STK39: variants seen among roughly 807,000 people sequenced by gnomAD.
The protein encoded by STK39 is serine/threonine kinase 39.
In STK39, 20 loss-of-function variants were observed where a neutral mutation model predicts 77.8. The observed-to-expected ratio is 0.26, with a 90% CI of 0.18 to 0.37. The LOEUF is 0.37. Among genes scored for constraint, STK39 ranks in the 10% least tolerant of loss-of-function variants. The pLI is 1.00. For missense variants in STK39, 479 were observed against 656.5 expected, an observed-to-expected ratio of 0.73 and a Z score of 2.95; for synonymous variants, 246 against 234.1, an observed-to-expected ratio of 1.05 and a Z score of -0.47.
rs532888942 is a variant in STK39 at position 168,202,422 on chromosome 2, T to A, written c.209-20332A>T. On this transcript the variant is annotated intron_variant, in intron 1 of 17. Transcript: ENST00000355999. Reference sequence around the variant, plus strand: ...TCACTTTATACTCCTGACAACCCTATGAAGTATTTTAACCCCATTTTATGT... The same window carrying A: ...TCACTTTATACTCCTGACAACCCTAAGAAGTATTTTAACCCCATTTTATGT... Among the ~76,000 whole-genome samples, 12 of 152,326 alleles carry A rather than the reference T, an allele frequency of 7.9e-5. No individual in the cohort carries two copies. The South Asian group carries it at 1.0e-3, about 13-fold the overall frequency.
chr2:167,994,550 T>C (rs1358176060), intron 16 of STK39, among the ~76,000 whole-genome samples: 1 of 152,134 alleles, frequency 6.6e-6, no homozygotes, highest in Non-Finnish European at 1.5e-5. Flanking sequence ...TAAAAGATTT[T>C]CATCACCTAA....
chr2:168,207,448 A>G (rs73031034), intron 1 of STK39, among the ~76,000 whole-genome samples: 89 of 152,346 alleles, frequency 5.8e-4, no homozygotes, highest in African/African-American at 2.1e-3. Flanking sequence ...CTTTGAGTAC[A>G]TATTATTTGC....
In STK39 at chr2:168,129,855, A is replaced by G. The variant is rs1475157829; in HGVS notation, c.975-97T>C. On this transcript the variant is annotated intron_variant, in intron 8 of 17. Coordinates refer to ENST00000355999, the MANE Select transcript of STK39 (RefSeq NM_013233.3). ...TTAACCTTAAGAGTATTTCTGGAAGACCAATTTTAGTAATAGCAAAACTGG... is the reference window on the plus strand; with the variant it reads ...TTAACCTTAAGAGTATTTCTGGAAGGCCAATTTTAGTAATAGCAAAACTGG... The G allele has an allele frequency of 2.1e-6, 3 of 1,424,744 alleles. No homozygotes were observed. In the Admixed American group the frequency reaches 5.3e-5, roughly 25 times the overall value. The allele number at this position is 1,424,744 out of a possible 1,614,324, so 88.3% of individuals were successfully genotyped here.
intron 14 of STK39, among the ~76,000 whole-genome samples, chr2:168,062,452 T>C (rs1465865564): frequency 2.6e-5 from 4 of 152,230 alleles, no homozygotes; most frequent in African/African-American, 9.6e-5. Flanking sequence ...CTTGTGATAA[T>C]TTCACTTCTT....
chr2:168,149,522 A>T (rs1246467170), intron 5 of STK39, among the ~76,000 whole-genome samples: 1 of 152,204 alleles, frequency 6.6e-6, no homozygotes, highest in African/African-American at 2.4e-5. Context: ...CTGCTGCTTA[A>T]TCTCCTTTCA....
chr2:168,181,860 T>C, intron 2 of STK39, 118 bp downstream of exon 2: 1 of 793,134 alleles, frequency 1.3e-6, no homozygotes, highest in South Asian at 1.6e-5. Flanking sequence ...TAGGGGCTGC[T>C]TTCCAAGAAA....
chr2:168,192,294 G>T (rs1160341297), intron 1 of STK39, among the ~76,000 whole-genome samples: 1 of 152,104 alleles, frequency 6.6e-6, no homozygotes, highest in Non-Finnish European at 1.5e-5. Flanking sequence ...CAGATTCTAG[G>T]AAGGTCTATC....
chr2:168,230,674 C>T (rs564990651), intron 1 of STK39, among the ~76,000 whole-genome samples: 4 of 152,090 alleles, frequency 2.6e-5, no homozygotes, highest in African/African-American at 4.8e-5. Context: ...ATGAGAGAAC[C>T]GAGCCTTTCA....
At chr2:168,065,532 T>C in intron 12 of STK39, 151 bp from the exon 13 acceptor site, 1 of 774,806 alleles carries the variant, frequency 1.3e-6, no homozygotes, top group Non-Finnish European at 2.2e-6. Context: ...CTACCTGTGT[T>C]GGAATCACCT....
chr2:168,205,275 G>A (rs953039964), intron 1 of STK39, among the ~76,000 whole-genome samples: 3 of 152,124 alleles, frequency 2.0e-5, no homozygotes, highest in Non-Finnish European at 2.9e-5. Flanking sequence ...AAAACATTAT[G>A]TACAACTTAA....
At chr2:167,983,786 T>C (rs1333180815) in intron 16 of STK39, among the ~76,000 whole-genome samples, 1 of 152,140 alleles carries the variant, frequency 6.6e-6, no homozygotes, top group African/African-American at 2.4e-5. Flanking sequence ...TAAACTGAAA[T>C]ATGGATTTAA....
chr2:168,174,125 A>C lies in STK39; in HGVS notation c.322-6718T>G, dbSNP rs147906863. On this transcript the variant is annotated intron_variant, in intron 2 of 17. Coordinates refer to ENST00000355999, the MANE Select transcript of STK39 (RefSeq NM_013233.3). ...GAAGAAAGAGAAACATTTTTAAGAAATAGAAACATTTTTAAGAAATCAGGA... is the reference window on the plus strand; with the variant it reads ...GAAGAAAGAGAAACATTTTTAAGAACTAGAAACATTTTTAAGAAATCAGGA... 8.9e-3 allele frequency among the ~76,000 whole-genome samples: 1,360 copies of C among 152,038 alleles called. 21 individuals carry two copies. Among genetic ancestry groups the C allele is most frequent in the African/African-American group, 0.031 (1,303 of 41,376 alleles).
At chr2:168,221,909 G>T (rs997106087) in intron 1 of STK39, among the ~76,000 whole-genome samples, 4 of 152,062 alleles carry the variant, frequency 2.6e-5, no homozygotes, top group African/African-American at 9.7e-5. Context: ...AGTTGCTCAG[G>T]TCTTTCTAAA....
At chr2:168,129,881 G>T in intron 8 of STK39, 123 bp from the exon 9 acceptor site, 1 of 1,029,142 alleles carries the variant, frequency 9.7e-7, no homozygotes. Context: ...GCAAAACTGG[G>T]AACCAAATTA....
chr2:167,997,350 A>C (rs773912048), intron 16 of STK39, among the ~76,000 whole-genome samples: 9 of 152,056 alleles, frequency 5.9e-5, no homozygotes, highest in African/African-American at 1.7e-4. Flanking sequence ...TTTGTAAAAG[A>C]AGCTTGATGT....
At chr2:168,178,764 T>G (rs1270654459) in intron 2 of STK39, among the ~76,000 whole-genome samples, 1 of 152,218 alleles carries the variant, frequency 6.6e-6, no homozygotes, top group Admixed American at 6.5e-5. Context: ...TCAGAAATGA[T>G]GACTGCTTGA....
At chr2:168,113,521 C>T (rs968139595) in intron 10 of STK39, among the ~76,000 whole-genome samples, 5 of 152,158 alleles carry the variant, frequency 3.3e-5, no homozygotes, top group African/African-American at 1.2e-4. Context: ...GTGAGGTGGG[C>T]CAGTGGGCAA....
chr2:167,993,631 C>G (rs1378916416), intron 16 of STK39, among the ~76,000 whole-genome samples: 7 of 152,188 alleles, frequency 4.6e-5, no homozygotes, highest in Non-Finnish European at 1.5e-5. Context: ...GCTAAACAAC[C>G]CTGAAACCTT....
At chr2:168,236,977 G>A (rs1574583304) in intron 1 of STK39, among the ~76,000 whole-genome samples, 2 of 152,170 alleles carry the variant, frequency 1.3e-5, no homozygotes, top group Middle Eastern at 6.8e-3. Context: ...TTCCAATTCT[G>A]TGAAGAAAGT....
Sources: allele counts gnomAD v4.1 joint callset (sites outside exome capture counted in the v4.1 genomes callset), GRCh38; gene constraint gnomAD v4.1.1; transcripts MANE v1.5; gene names NCBI Gene and HGNC (gene_info 2026-07-23, HGNC 2026-07-21).